The following RB1 variants were observed in gnomAD, a reference collection of about 807,000 sequenced individuals.
RB1 encodes the protein retinoblastoma-associated protein.
Under a neutral mutation model 135.4 loss-of-function variants are expected in RB1, and 18 were observed. The observed-to-expected ratio is 0.13, with a 90% CI of 0.09 to 0.20. RB1 has a LOEUF of 0.20. Ranked by LOEUF, RB1 falls within the 10% of genes least tolerant of loss-of-function variation. The pLI is 1.00. For missense variants in RB1, 868 were observed against 1,110.0 expected, an observed-to-expected ratio of 0.78 and a Z score of 3.10; for synonymous variants, 365 against 373.2, an observed-to-expected ratio of 0.98 and a Z score of 0.25.
At chr13:48,366,282 G>A (rs1870087924) in intron 9 of RB1, among the ~76,000 whole-genome samples, 1 of 152,036 alleles carries the variant, frequency 6.6e-6, no homozygotes, top group East Asian at 1.9e-4. Flanking sequence ...AATCTTAAGA[G>A]TAATTTTACT....
At chr13:48,456,115 T>G in intron 18 of RB1, 89 bp from the exon 19 acceptor site, 2 of 1,573,804 alleles carry the variant, frequency 1.3e-6, no homozygotes, top group Non-Finnish European at 1.7e-6. Flanking sequence ...ATAGACAAGA[T>G]GTATCTGGGT....
chr13:48,306,186 CT>C (rs1952078573), intron 1 of RB1, among the ~76,000 whole-genome samples: 1 of 152,158 alleles, frequency 6.6e-6, no homozygotes, highest in South Asian at 2.1e-4. Flanking sequence ...GGGAAGATTG[CT>C]TGAGGCCAGG....
In RB1 at chr13:48,463,822, A is replaced by G. The variant is rs778503152; in HGVS notation, c.2198A>G (p.His733Arg). 2.5e-6 allele frequency: 4 copies of G among 1,599,806 alleles called. No homozygotes were observed. The highest frequency in any genetic ancestry group is 3.4e-6 in the Non-Finnish European group (4 of 1,167,204). The change falls in exon 21 of 27, where the codon CAT (histidine) becomes CGT (arginine). Residue 733 changes from histidine (H) to arginine (R), a missense_variant. This residue lies in a region of RB1 where 196 missense variants were observed against 239.8 expected (regional missense o/e 0.82). Transcript: ENST00000267163. ...GTAACAGCATACAAGGATCTTCCTCATGCTGTTCAGGAGGTAGGTAATTTT... is the reference window on the plus strand; with the variant it reads ...GTAACAGCATACAAGGATCTTCCTCGTGCTGTTCAGGAGGTAGGTAATTTT... ...IIVTAYKDLPHAVQETFKRVL... is the reference protein window; with the variant it reads ...IIVTAYKDLPRAVQETFKRVL...
At chr13:48,402,336 G>A (rs1343247822) in intron 17 of RB1, among the ~76,000 whole-genome samples, 1 of 150,588 alleles carries the variant, frequency 6.6e-6, no homozygotes, top group Admixed American at 6.6e-5. Flanking sequence ...CAAATGGCCT[G>A]GGGAAGGGAT....
At chr13:48,386,577 G>A (rs1439449276) in intron 17 of RB1, among the ~76,000 whole-genome samples, 1 of 152,112 alleles carries the variant, frequency 6.6e-6, no homozygotes, top group African/African-American at 2.4e-5. Flanking sequence ...ATTTATGCTT[G>A]GGTATGTGGT....
In RB1 at chr13:48,465,051, C is replaced by T. The variant is rs2138344758; in HGVS notation, c.2265C>T (p.Phe755=). The T allele has an allele frequency of 4.7e-6, 7 of 1,496,752 alleles. No homozygotes were observed. Among genetic ancestry groups the T allele is most frequent in the Non-Finnish European group, 6.3e-6 (7 of 1,111,334 alleles). The allele number at this position is 1,496,752 out of a possible 1,614,324, so 92.7% of individuals were successfully genotyped here. A position where few individuals can be genotyped will look rare whatever the true frequency, so the allele number is the denominator to read the frequency against. ...AGGAGTATGATTCTATTATAGTATT[C>T]TATAACTCGGTCTTCATGCAGAGAC... ...KEEEYDSIIV[F]YNSVFMQRLK... The change falls in exon 22 of 27, where the codon TTC becomes TTT. Residue 755 remains phenylalanine (F), a synonymous_variant. Transcript: ENST00000267163.
At chr13:48,318,868 C>T (rs921240172) in intron 2 of RB1, 9 of 1,123,646 alleles carry the variant, frequency 8.0e-6, no homozygotes, top group Admixed American at 3.4e-5. Context: ...AGGGTCAAAA[C>T]GTCTGGATTT....
chr13:48,456,429 AG>A, intron 19 of RB1, 80 bp downstream of exon 19: 1 of 1,556,910 alleles, frequency 6.4e-7, no homozygotes, highest in South Asian at 1.2e-5. Flanking sequence ...TCTACTTTCT[AG>A]GTACATTACT....
chr13:48,384,023 A>C (rs1192530094), intron 17 of RB1, among the ~76,000 whole-genome samples: 1 of 152,130 alleles, frequency 6.6e-6, no homozygotes. Flanking sequence ...TGGAGGATGT[A>C]ATAGAAATTT....
At chr13:48,359,586 ATAT>A (rs988682944) in intron 6 of RB1, among the ~76,000 whole-genome samples, 6 of 147,796 alleles carry the variant, frequency 4.1e-5, no homozygotes, top group East Asian at 2.0e-4. Flanking sequence ...TTATAATAAA[ATAT>A]TATACAAATA....
At chr13:48,412,863 CTTAAG>C (rs951125360) in intron 17 of RB1, 27 of 188,004 alleles carry the variant, frequency 1.4e-4, no homozygotes, top group Admixed American at 1.4e-3. Flanking sequence ...GAATGTTAAG[CTTAAG>C]TTATCAATCT....
rs1449445789 is a variant in RB1, at chr13:48,342,746, C to A, written c.380+32C>A. The A allele has an allele frequency of 3.5e-6, 5 of 1,429,222 alleles. No homozygotes were observed. In the South Asian group the frequency reaches 5.8e-5, roughly 17 times the overall value. The allele number at this position is 1,429,222 out of a possible 1,614,324, so 88.5% of individuals were successfully genotyped here. A position where few individuals can be genotyped will look rare whatever the true frequency, so the allele number is the denominator to read the frequency against. ...TTTCTTGTATAAATATAAGCCTCTG[C>A]CATAAAAGGAAACGAATTCTGGATT... On this transcript the variant is annotated intron_variant, in intron 3 of 26. Transcript: ENST00000267163.
At chr13:48,435,353 G>A (rs758407288) in intron 17 of RB1, among the ~76,000 whole-genome samples, 2 of 152,054 alleles carry the variant, frequency 1.3e-5, no homozygotes, top group Non-Finnish European at 2.9e-5. Context: ...GTTTATTTGT[G>A]ACCTGTATTT....
chr13:48,462,881 G>T (rs1192887739), intron 20 of RB1, among the ~76,000 whole-genome samples: 2 of 152,078 alleles, frequency 1.3e-5, no homozygotes, highest in Non-Finnish European at 2.9e-5. Context: ...CAAAAAATCA[G>T]TTGACTGTAA....
At chr13:48,304,596 T>TA (rs911451263) in intron 1 of RB1, among the ~76,000 whole-genome samples, 13 of 152,112 alleles carry the variant, frequency 8.5e-5, no homozygotes, top group Non-Finnish European at 1.8e-4. Flanking sequence ...GCCCACAGGA[T>TA]ACTCGGCTCA....
At chr13:48,379,761 A>T in intron 14 of RB1, 111 bp downstream of exon 14, 2 of 1,366,118 alleles carry the variant, frequency 1.5e-6, no homozygotes, top group Non-Finnish European at 2.0e-6. Context: ...AGGCATCAAG[A>T]TCATCCTGGC....
rs2138327178 is a variant in RB1 at position 48,453,053 on chromosome 13, C to T, written c.1756C>T (p.Leu586Phe). The T allele has an allele frequency of 6.2e-7, 1 of 1,613,208 alleles. No individual in the cohort carries two copies. Among genetic ancestry groups the T allele is most frequent in the East Asian group, 2.2e-5 (1 of 44,800 alleles). The stretch of plus-strand genomic sequence containing the variant: ...GGACCGAGAAGGACCAACTGATCAC[C>T]TTGAATCTGCTTGTCCTCTTAATCT... ...SKDREGPTDHLESACPLNLPL... is the reference protein window; with the variant it reads ...SKDREGPTDHFESACPLNLPL... The change falls in exon 18 of 27, where the codon CTT becomes TTT. Residue 586 changes from leucine (L) to phenylalanine (F), a missense_variant. Transcript: ENST00000267163.
intron 20 of RB1, among the ~76,000 whole-genome samples, chr13:48,461,212 C>G (rs1949403163): frequency 6.6e-6 from 1 of 152,098 alleles, no homozygotes; most frequent in African/African-American, 2.4e-5. Flanking sequence ...TCTATTTTCT[C>G]TCTATGGATT....
At position 48,412,068 on chromosome 13, in the gene RB1, A is replaced by G. The variant is rs757546190; in HGVS notation, c.1695+30625A>G. The stretch of plus-strand genomic sequence containing the variant: ...TAGAGTCTTTGACTTAAATGGGTAG[A>G]CAATTGCCAGAAATCGATCTACACT... On this transcript the variant is annotated intron_variant, in intron 17 of 26. Coordinates refer to ENST00000267163, the MANE Select transcript of RB1 (RefSeq NM_000321.3). 5.6e-6 allele frequency: 9 copies of G among 1,612,684 alleles called. No individual in the cohort carries two copies. Among genetic ancestry groups the G allele is most frequent in the Admixed American group, 1.7e-5 (1 of 59,810 alleles).
Sources: gnomAD v4.1 joint callset for allele counts (sites outside exome capture counted in the v4.1 genomes callset) on GRCh38, gnomAD v4.1.1 for gene constraint, gnomAD v4.1.1 regional missense constraint, MANE v1.5 for transcripts, NCBI Gene and HGNC (gene_info 2026-07-23, HGNC 2026-07-21) for gene names.